KLHL1: variants seen among roughly 807,000 people sequenced by gnomAD.
KLHL1 encodes the protein kelch-like protein 1.
Under a neutral mutation model 77.7 loss-of-function variants are expected in KLHL1, and 47 were observed. The observed-to-expected ratio is 0.60, with a 90% CI of 0.48 to 0.77. The LOEUF is 0.77. Ranked by LOEUF, KLHL1 falls within the 30% of genes least tolerant of loss-of-function variation. The probability of loss-of-function intolerance (pLI) is 0.00; values close to 1 mark genes in which losing one functional copy is unlikely to be tolerated. For missense variants in KLHL1, 925 were observed against 910.8 expected (o/e 1.02, Z -0.20); for synonymous variants, 360 against 325.2 (o/e 1.11, Z -1.15).
rs186322005 is a variant in KLHL1 at position 70,013,274 on chromosome 13, C to T, written c.498-37472G>A. ...TAAAAAAATACTTTCAAAAACACTT[C>T]CAACAAAAAAGAGAAAACAAAGGGA... On this transcript the variant is annotated intron_variant, in intron 1 of 10. Transcript: ENST00000377844. 1.8e-3 allele frequency among the ~76,000 whole-genome samples: 267 copies of T among 152,192 alleles called. 1 individual carries two copies. The highest frequency in any genetic ancestry group is 6.1e-3 in the African/African-American group (252 of 41,524).
At chr13:69,843,755 T>A (rs1879353631) in intron 5 of KLHL1, among the ~76,000 whole-genome samples, 2 of 151,764 alleles carry the variant, frequency 1.3e-5, no homozygotes, top group Non-Finnish European at 2.9e-5. Flanking sequence ...TGAGGTTTAA[T>A]CTTGTGAATT....
chr13:69,950,271 G>A (rs894411523), intron 3 of KLHL1, among the ~76,000 whole-genome samples: 1 of 151,644 alleles, frequency 6.6e-6, no homozygotes, highest in Non-Finnish European at 1.5e-5. Context: ...AAACATGCCA[G>A]TAGCTCAAAT....
chr13:70,040,704 TTTTG>T (rs1886358471), intron 1 of KLHL1, among the ~76,000 whole-genome samples: 1 of 152,164 alleles, frequency 6.6e-6, no homozygotes, highest in Non-Finnish European at 1.5e-5. Context: ...GGGGGGGTTA[TTTTG>T]TTTTAGATTC....
At chr13:69,819,328 G>A (rs1269236846) in intron 6 of KLHL1, among the ~76,000 whole-genome samples, 1 of 152,046 alleles carries the variant, frequency 6.6e-6, no homozygotes, top group East Asian at 1.9e-4. Flanking sequence ...GAAAATTAGA[G>A]GCATGCATGA....
At chr13:69,977,245 G>A (rs1315884362) in intron 1 of KLHL1, among the ~76,000 whole-genome samples, 3 of 151,952 alleles carry the variant, frequency 2.0e-5, no homozygotes, top group Non-Finnish European at 2.9e-5. Flanking sequence ...AGATATGTTC[G>A]AATATATGGA....
At chr13:69,905,993 C>A (rs1394570782) in intron 4 of KLHL1, among the ~76,000 whole-genome samples, 1 of 152,008 alleles carries the variant, frequency 6.6e-6, no homozygotes, top group African/African-American at 2.4e-5. Flanking sequence ...CAATTGATGT[C>A]CCCAAATTAA....
At chr13:70,063,521 A>G (rs534233070) in intron 1 of KLHL1, among the ~76,000 whole-genome samples, 1 of 152,216 alleles carries the variant, frequency 6.6e-6, no homozygotes, top group South Asian at 2.1e-4. Context: ...GTTATTTAAA[A>G]TTATAATCTA....
intron 1 of KLHL1, among the ~76,000 whole-genome samples, chr13:69,998,737 A>C (rs1424583926): frequency 1.3e-5 from 2 of 152,064 alleles, no homozygotes; most frequent in Admixed American, 6.6e-5. Flanking sequence ...CGGTTCTCTG[A>C]TGGCTTGGGT....
chr13:69,794,431 T>A (rs1336450034), intron 7 of KLHL1, among the ~76,000 whole-genome samples: 2 of 150,260 alleles, frequency 1.3e-5, no homozygotes, highest in Admixed American at 1.3e-4. Flanking sequence ...TTAACCAGCA[T>A]TAGAAGAGAA....
intron 1 of KLHL1, among the ~76,000 whole-genome samples, chr13:70,041,927 G>A (rs2137380327): frequency 6.6e-6 from 1 of 152,180 alleles, no homozygotes; most frequent in East Asian, 1.9e-4. Context: ...GTAAGAGTGG[G>A]CTGCAGGTTT....
chr13:69,953,376 T>C (rs1883773028), intron 3 of KLHL1, among the ~76,000 whole-genome samples: 1 of 151,130 alleles, frequency 6.6e-6, no homozygotes, highest in Admixed American at 6.6e-5. Flanking sequence ...AATGTGACAA[T>C]GACATAAGTA....
chr13:69,870,208 T>C (rs1192983230), intron 5 of KLHL1, among the ~76,000 whole-genome samples: 3 of 152,112 alleles, frequency 2.0e-5, no homozygotes, highest in African/African-American at 7.2e-5. Context: ...ATGCTGCCAC[T>C]CGTAGTGGAA....
chr13:69,813,139 C>T (rs1051500808), intron 6 of KLHL1, among the ~76,000 whole-genome samples: 3 of 152,070 alleles, frequency 2.0e-5, no homozygotes, highest in Admixed American at 6.6e-5. Flanking sequence ...GAATACTATG[C>T]AGCCATGAAA....
chr13:69,930,428 A>G (rs1882963977), intron 4 of KLHL1, among the ~76,000 whole-genome samples: 1 of 151,876 alleles, frequency 6.6e-6, no homozygotes, highest in African/African-American at 2.4e-5. Context: ...TGGTCACTTA[A>G]AAACCAAGCT....
chr13:70,061,069 C>T (rs1211905774), intron 1 of KLHL1, among the ~76,000 whole-genome samples: 3 of 152,000 alleles, frequency 2.0e-5, no homozygotes, highest in Non-Finnish European at 4.4e-5. Context: ...GCCGGTACCA[C>T]AGGCTGGGAG....
intron 1 of KLHL1, among the ~76,000 whole-genome samples, chr13:70,030,409 C>T (rs1886066949): frequency 1.3e-5 from 2 of 152,086 alleles, no homozygotes; most frequent in Admixed American, 6.5e-5. Flanking sequence ...GACCACAGTG[C>T]AATCAAACTA....
chr13:69,906,331 C>T (rs1282037644), intron 4 of KLHL1, among the ~76,000 whole-genome samples: 3 of 151,836 alleles, frequency 2.0e-5, no homozygotes, highest in Middle Eastern at 3.2e-3. Flanking sequence ...CAAGGAAAGG[C>T]GTAGGTTCAC....
chr13:69,775,462 C>A (rs998217416), intron 7 of KLHL1, among the ~76,000 whole-genome samples: 1 of 151,976 alleles, frequency 6.6e-6, no homozygotes, highest in East Asian at 1.9e-4. Context: ...TTAATGTATT[C>A]ACAAATATTT....
intron 1 of KLHL1, among the ~76,000 whole-genome samples, chr13:70,037,267 G>C (rs1033984478): frequency 1.3e-5 from 2 of 151,978 alleles, no homozygotes; most frequent in African/African-American, 4.8e-5. Context: ...TCTGAAAATG[G>C]CTTTCTTTAT....
Sources: allele counts gnomAD v4.1 joint callset (sites outside exome capture counted in the v4.1 genomes callset), GRCh38; gene constraint gnomAD v4.1.1; transcripts MANE v1.5; gene names NCBI Gene and HGNC (gene_info 2026-07-23, HGNC 2026-07-21).